CLTCL1: variants seen among roughly 807,000 people sequenced by gnomAD.
CLTCL1 encodes the protein clathrin heavy chain 2.
Under a neutral mutation model 190.0 loss-of-function variants are expected in CLTCL1, and 159 were observed. The observed-to-expected ratio is 0.84, with a 90% CI of 0.74 to 0.95. The LOEUF (loss-of-function observed/expected upper bound fraction) is 0.95, where lower values mean the gene tolerates loss of function less well. Among genes scored for constraint, CLTCL1 ranks in the 40% least tolerant of loss-of-function variants. The pLI, the probability that CLTCL1 is intolerant of heterozygous loss-of-function variation, is 0.00. For missense variants in CLTCL1, 1,878 were observed against 2,033.4 expected (o/e 0.92, Z 1.47); for synonymous variants, 752 against 769.6 (o/e 0.98, Z 0.38).
intron 23 of CLTCL1, among the ~76,000 whole-genome samples, chr22:19,200,582 T>C (rs1228018221): frequency 2.0e-5 from 3 of 152,236 alleles, no homozygotes; most frequent in African/African-American, 7.2e-5. Context: ...GGCTCATGCC[T>C]GTAATCCCAG....
At chr22:19,257,865 C>G (rs782174830) in intron 2 of CLTCL1, 1 of 1,406,870 alleles carries the variant, frequency 7.1e-7, no homozygotes. Context: ...AAACCGGGAG[C>G]ACCTGGAGAA....
intron 1 of CLTCL1, among the ~76,000 whole-genome samples, chr22:19,286,663 C>T (rs1246967629): frequency 6.6e-6 from 1 of 152,160 alleles, no homozygotes; most frequent in Non-Finnish European, 1.5e-5. Flanking sequence ...GCTCAATCTA[C>T]ACCTTCACAG....
intron 3 of CLTCL1, among the ~76,000 whole-genome samples, chr22:19,248,908 G>A (rs782716341): frequency 6.6e-6 from 1 of 152,124 alleles, no homozygotes; most frequent in Non-Finnish European, 1.5e-5. Flanking sequence ...TCGATTTTGA[G>A]TTTTTTAGTA....
At position 19,187,732 on chromosome 22, in the gene CLTCL1, G is replaced by A; in HGVS notation, c.4435-4C>T. On this transcript the variant is annotated splice_polypyrimidine_tract_variant and splice_region_variant and intron_variant, in intron 28 of 32. Transcript: ENST00000427926. ...CATCGATAGATGCCCTTAAGCCCTA[G>A]GAAGACAGCCTTTCTGTGAGGGATG... 1 of 1,612,714 alleles carries A rather than the reference G, an allele frequency of 6.2e-7. No individual in the cohort carries two copies. The highest frequency in any genetic ancestry group is 8.5e-7 in the Non-Finnish European group (1 of 1,179,086).
intron 14 of CLTCL1, among the ~76,000 whole-genome samples, chr22:19,223,635 T>C (rs1198560636): frequency 1.3e-5 from 2 of 152,310 alleles, no homozygotes; most frequent in South Asian, 4.1e-4. Context: ...ATGGCACTAA[T>C]GGGATGTTGA....
In CLTCL1 at chr22:19,180,215, G is replaced by C. The variant is rs369241378; in HGVS notation, c.*4C>G. On this transcript the variant is annotated 3_prime_UTR_variant, in exon 32 of 33. Coordinates refer to ENST00000427926, the MANE Select transcript of CLTCL1 (RefSeq NM_007098.4). The stretch of plus-strand genomic sequence containing the variant: ...GACACTTACTTAGTGCAATCAGCTG[G>C]GTCTCATTCATGCCCATCAAAATCT... 91 of 1,613,694 alleles carry C rather than the reference G, an allele frequency of 5.6e-5. No individual in the cohort carries two copies. In the East Asian group the frequency reaches 9.4e-4, roughly 17 times the overall value.
rs2085088295 is a variant in CLTCL1, at chr22:19,207,529, G to C, written c.3600+625C>G. 6 of 401,350 alleles carry C rather than the reference G, an allele frequency of 1.5e-5. No homozygotes were observed. In the South Asian group the frequency reaches 7.5e-4, roughly 50 times the overall value. 24.9% of individuals were successfully genotyped at this position (401,350 alleles called of 1,614,324 possible). On this transcript the variant is annotated intron_variant, in intron 22 of 32. Transcript: ENST00000427926. ...AACAGGTTACTTACTTCCTCGTGTG[G>C]CTTGCTTCTCATGATCTTTATCTGC...
chr22:19,233,144 C>T (rs187870791), intron 9 of CLTCL1, 22 bp downstream of exon 9: 3 of 1,597,696 alleles, frequency 1.9e-6, no homozygotes, highest in African/African-American at 2.7e-5. Context: ...CTGTGAGATG[C>T]CAGTGGTTCA....
At chr22:19,239,576 C>T (rs1461041936) in intron 4 of CLTCL1, among the ~76,000 whole-genome samples, 188 bp from the exon 5 acceptor site, 1 of 152,228 alleles carries the variant, frequency 6.6e-6, no homozygotes, top group African/African-American at 2.4e-5. Flanking sequence ...CTGCTGCCCA[C>T]CACCAAGCAT....
chr22:19,222,363 G>T (rs1245223051), intron 15 of CLTCL1, among the ~76,000 whole-genome samples: 4 of 152,208 alleles, frequency 2.6e-5, no homozygotes, highest in Non-Finnish European at 4.4e-5. Context: ...CACCAGGAGT[G>T]CACATGCACA....
rs1001153530 is a variant in CLTCL1 at position 19,198,999 on chromosome 22, C to T, written c.3873+735G>A. Among the ~76,000 whole-genome samples, 2 of 152,158 alleles carry T rather than the reference C, an allele frequency of 1.3e-5. No homozygotes were observed. The highest frequency in any genetic ancestry group is 4.8e-5 in the African/African-American group (2 of 41,420). ...TGGGAAAGCATTTCTCATTGAAAAG[C>T]CATCACACCCAGCTAATATCTGGAC... On this transcript the variant is annotated intron_variant, in intron 24 of 32. Coordinates refer to ENST00000427926, the MANE Select transcript of CLTCL1 (RefSeq NM_007098.4). The surrounding 1 kb of genome is among the most constrained non-coding windows in gnomAD (Gnocchi z 4.1).
rs782416337 is a variant in CLTCL1 at position 19,201,392 on chromosome 22, G to A, written c.3702C>T (p.Leu1234=). ...FARLASTLVH[L]GEYQAAVDNS... ...TGTCCACTGCTGCCTGATACTCACC[G>A]AGGTGAACCAAGGTGGAAGCCAGGC... Residue 1234 remains leucine (L), a synonymous_variant, in exon 23 of 33, where the codon CTC becomes CTT. Transcript: ENST00000427926. 18 of 1,613,684 alleles carry A rather than the reference G, an allele frequency of 1.1e-5. No homozygotes were observed. Among genetic ancestry groups the A allele is most frequent in the Non-Finnish European group, 1.4e-5 (17 of 1,179,854 alleles).
chr22:19,233,332 AG>A lies in CLTCL1; in HGVS notation c.1369-15del. 2 of 1,611,424 alleles carry A rather than the reference AG, an allele frequency of 1.2e-6. No homozygotes were observed. Among genetic ancestry groups the A allele is most frequent in the Non-Finnish European group, 1.7e-6 (2 of 1,177,672 alleles). Reference sequence around the variant, plus strand: ...TGAGCACTCCAGCTGTGGTATGCCAAGGGACAAGGCAAAGTTAGGAGGCAGG... The same window carrying A: ...TGAGCACTCCAGCTGTGGTATGCCAAGGACAAGGCAAAGTTAGGAGGCAGG... On this transcript the variant is annotated splice_polypyrimidine_tract_variant and intron_variant, in intron 8 of 32. Coordinates refer to ENST00000427926, the MANE Select transcript of CLTCL1 (RefSeq NM_007098.4).
rs372403893 is a variant in CLTCL1 at position 19,226,293 on chromosome 22, G to A, written c.1873C>T (p.Gln625Ter). The change falls in exon 12 of 33, where the codon CAA becomes TAA. Residue 625 changes from glutamine to a stop codon, truncating the protein, a stop_gained. Transcript: ENST00000427926. LOFTEE classifies it high-confidence loss of function. ...AGGTCGGTGTAGTGCTCCAGTGCTT[G>A]CTGCAGGAGGCCTGCCTTCTCACAG... Reference protein sequence around the residue: ...QLCEKAGLLQQALEHYTDLYD... With the variant: ...QLCEKAGLLQ The A allele has an allele frequency of 2.1e-5, 34 of 1,614,046 alleles. No individual in the cohort carries two copies. The African/African-American group carries it at 3.9e-4, about 18-fold the overall frequency.
intron 29 of CLTCL1, among the ~76,000 whole-genome samples, chr22:19,186,063 C>G (rs2084305328): frequency 6.6e-6 from 1 of 152,180 alleles, no homozygotes; most frequent in South Asian, 2.1e-4. Flanking sequence ...GGGTGAAACT[C>G]AATGCAACAC....
intron 29 of CLTCL1, among the ~76,000 whole-genome samples, chr22:19,186,337 C>T (rs1429242471): frequency 2.6e-5 from 4 of 151,988 alleles, no homozygotes; most frequent in East Asian, 3.9e-4. Flanking sequence ...ACCTCACCCC[C>T]GCGGGGAGAT....
rs1555953239 is a variant in CLTCL1, at chr22:19,222,673, G to A, written c.2418+11C>T. On this transcript the variant is annotated intron_variant, in intron 15 of 32. Transcript: ENST00000427926. The stretch of plus-strand genomic sequence containing the variant: ...AGGCAGCCGGGTGTCACTCCAGGGA[G>A]CCAGCAGTACCTTCTGCACGTAGAT... The A allele has an allele frequency of 6.3e-7, 1 of 1,586,016 alleles. No individual in the cohort carries two copies. Among genetic ancestry groups the A allele is most frequent in the Non-Finnish European group, 8.6e-7 (1 of 1,166,088 alleles).
intron 18 of CLTCL1, among the ~76,000 whole-genome samples, chr22:19,219,476 T>C (rs2085498584): frequency 6.7e-6 from 1 of 149,062 alleles, no homozygotes; most frequent in Admixed American, 6.7e-5. Context: ...TGAGCCACCA[T>C]GCCTGGCCTA....
intron 24 of CLTCL1, among the ~76,000 whole-genome samples, chr22:19,199,036 G>T (rs1379971377): frequency 6.6e-6 from 1 of 152,114 alleles, no homozygotes; most frequent in African/African-American, 2.4e-5. Context: ...CTCTGGCGCT[G>T]GTGCGAGCCC....
Sources: gnomAD v4.1 joint callset for allele counts (sites outside exome capture counted in the v4.1 genomes callset) on GRCh38, gnomAD v4.1.1 for gene constraint, Gnocchi (gnomAD v3.1) non-coding constraint, MANE v1.5 for transcripts, NCBI Gene and HGNC (gene_info 2026-07-23, HGNC 2026-07-21) for gene names.